The following EPHB1 variants were observed in gnomAD, a reference collection of about 807,000 sequenced individuals.
The protein encoded by EPHB1 is ephrin type-B receptor 1.
Under a neutral mutation model 94.4 loss-of-function variants are expected in EPHB1, and 30 were observed. The observed-to-expected ratio is 0.32, with a 90% CI of 0.24 to 0.43. The LOEUF is 0.43. Among genes scored for constraint, EPHB1 ranks in the 20% least tolerant of loss-of-function variants. The pLI is 1.00. For synonymous variants in EPHB1, 522 were observed against 489.1 expected, an observed-to-expected ratio of 1.07 and a Z score of -0.89; for missense variants, 1,055 against 1,308.3, an observed-to-expected ratio of 0.81 and a Z score of 2.99.
rs529244306 is a variant in EPHB1, at chr3:134,872,152, A to G, written c.59-53664A>G. On this transcript the variant is annotated intron_variant, in intron 1 of 15. Coordinates refer to ENST00000398015, the MANE Select transcript of EPHB1 (RefSeq NM_004441.5). ...TCTGAGCCTCACCTGATGTCTGAGA[A>G]TAAGGGACAACCTCTCACAACAAAT... 3.3e-5 allele frequency among the ~76,000 whole-genome samples: 5 copies of G among 152,290 alleles called. No homozygotes were observed. The East Asian group carries it at 9.7e-4, about 29-fold the overall frequency.
chr3:135,239,590 A>AG (rs544377538), intron 12 of EPHB1, among the ~76,000 whole-genome samples: 29 of 152,268 alleles, frequency 1.9e-4, no homozygotes, highest in Admixed American at 6.5e-4. Flanking sequence ...AAAACTGAAA[A>AG]GGGGGGTCAT....
intron 3 of EPHB1, among the ~76,000 whole-genome samples, chr3:135,007,426 G>T (rs1935460375): frequency 6.6e-6 from 1 of 152,138 alleles, no homozygotes; most frequent in African/African-American, 2.4e-5. Context: ...CAAAAATAAA[G>T]CCCGAAATAA....
chr3:134,952,201 C>A (rs1933060998), intron 3 of EPHB1, 149 bp downstream of exon 3: 3 of 812,114 alleles, frequency 3.7e-6, no homozygotes, highest in South Asian at 2.0e-5. Context: ...TAGTGCTAGG[C>A]CTGATGATTT....
At chr3:135,155,827 C>T (rs1941336531) in intron 6 of EPHB1, among the ~76,000 whole-genome samples, 1 of 147,962 alleles carries the variant, frequency 6.8e-6, no homozygotes, top group South Asian at 2.2e-4. Flanking sequence ...AGCTTTTCCA[C>T]TGAGTGAGAT....
intron 7 of EPHB1, among the ~76,000 whole-genome samples, chr3:135,165,662 C>T (rs1330699002): frequency 1.3e-5 from 2 of 152,180 alleles, no homozygotes; most frequent in African/African-American, 4.8e-5. Flanking sequence ...GCTGACAGTT[C>T]TTCGAGAGAC....
At chr3:135,197,448 G>C (rs1942653644) in intron 11 of EPHB1, among the ~76,000 whole-genome samples, 1 of 152,188 alleles carries the variant, frequency 6.6e-6, no homozygotes, top group South Asian at 2.1e-4. Context: ...CTGTGGCCTG[G>C]AGCAAACCTG....
intron 12 of EPHB1, among the ~76,000 whole-genome samples, chr3:135,238,161 G>A (rs1195708294): frequency 1.3e-5 from 2 of 152,206 alleles, no homozygotes; most frequent in Non-Finnish European, 2.9e-5. Flanking sequence ...AAGATGGAAG[G>A]AAGGTTTAAA....
At chr3:135,121,819 A>G (rs538948838) in intron 4 of EPHB1, among the ~76,000 whole-genome samples, 1 of 149,446 alleles carries the variant, frequency 6.7e-6, no homozygotes, top group Non-Finnish European at 1.5e-5. Context: ...TTTTTTTTTT[A>G]ATTGTACAGG....
At chr3:135,183,870 C>G (rs1576453182) in intron 10 of EPHB1, among the ~76,000 whole-genome samples, 1 of 152,236 alleles carries the variant, frequency 6.6e-6, no homozygotes, top group South Asian at 2.1e-4. Context: ...GAATTTTATC[C>G]CATAGAAAAT....
In EPHB1 at chr3:135,126,660, A is replaced by G. The variant is rs1013818473; in HGVS notation, c.962-6054A>G. Reference sequence around the variant, plus strand: ...TGCAGATTGGGGCAGGCAGACTCCAAGGTGTTTCTGTGACAGGTACCAGAG... The same window carrying G: ...TGCAGATTGGGGCAGGCAGACTCCAGGGTGTTTCTGTGACAGGTACCAGAG... On this transcript the variant is annotated intron_variant, in intron 4 of 15. Transcript: ENST00000398015. 3.9e-5 allele frequency among the ~76,000 whole-genome samples: 6 copies of G among 152,180 alleles called. No homozygotes were observed. In the East Asian group the frequency reaches 1.2e-3, roughly 29 times the overall value.
intron 1 of EPHB1, among the ~76,000 whole-genome samples, chr3:134,874,048 A>T (rs1455525443): frequency 6.6e-6 from 1 of 152,174 alleles, no homozygotes; most frequent in African/African-American, 2.4e-5. Flanking sequence ...ACATCAGCAG[A>T]GCTGGACAGA....
chr3:135,033,257 A>C (rs4955538), intron 3 of EPHB1, among the ~76,000 whole-genome samples: 38,704 of 152,066 alleles, frequency 0.25, 6,414 homozygotes, highest in East Asian at 0.71. Context: ...GCTTAAAGAC[A>C]GAGAGACAGT....
At chr3:135,040,774 T>G (rs977189045) in intron 3 of EPHB1, among the ~76,000 whole-genome samples, 2 of 152,210 alleles carry the variant, frequency 1.3e-5, no homozygotes, top group African/African-American at 4.8e-5. Flanking sequence ...AAGAGAAAGC[T>G]CTTTCTAAAC....
chr3:135,225,746 C>G (rs1211055690), intron 12 of EPHB1, among the ~76,000 whole-genome samples: 1 of 151,786 alleles, frequency 6.6e-6, no homozygotes, highest in Non-Finnish European at 1.5e-5. Flanking sequence ...GGTCCAGTCC[C>G]AGGTTGGAGG....
At chr3:135,198,302 A>G (rs774159654) in intron 11 of EPHB1, among the ~76,000 whole-genome samples, 1 of 152,108 alleles carries the variant, frequency 6.6e-6, no homozygotes, top group Non-Finnish European at 1.5e-5. Context: ...GATCACATAC[A>G]TTTTCTGGAC....
chr3:135,029,257 C>T (rs561381773), intron 3 of EPHB1, among the ~76,000 whole-genome samples: 1 of 149,750 alleles, frequency 6.7e-6, no homozygotes, highest in African/African-American at 2.4e-5. Flanking sequence ...TGAATTTGAT[C>T]CTGTCATTAT....
rs574784671 is a variant in EPHB1 at position 134,956,760 on chromosome 3, C to G, written c.805+4708C>G. ...AGAATATTTTCTAAGCCATGCCATG[C>G]TACATATTGCTAGGTGTCATTGTCC... is the stretch of plus-strand genomic sequence containing the variant. On this transcript the variant is annotated intron_variant, in intron 3 of 15. Coordinates refer to ENST00000398015, the MANE Select transcript of EPHB1 (RefSeq NM_004441.5). Among the ~76,000 whole-genome samples, 12 of 152,256 alleles carry G rather than the reference C, an allele frequency of 7.9e-5. No homozygotes were observed. In the South Asian group the frequency reaches 2.5e-3, roughly 32 times the overall value.
chr3:134,948,395 A>G (rs2039255460), intron 2 of EPHB1, among the ~76,000 whole-genome samples: 1 of 152,126 alleles, frequency 6.6e-6, no homozygotes, highest in Non-Finnish European at 1.5e-5. Context: ...CTGTTTTATA[A>G]CAGCCATGGA....
intron 3 of EPHB1, among the ~76,000 whole-genome samples, chr3:135,041,455 A>G (rs1936840102): frequency 6.6e-6 from 1 of 152,078 alleles, no homozygotes; most frequent in Non-Finnish European, 1.5e-5. Flanking sequence ...TATTCCAACT[A>G]CACTTGTGCA....
Sources: allele counts gnomAD v4.1 joint callset (sites outside exome capture counted in the v4.1 genomes callset), GRCh38; gene constraint gnomAD v4.1.1; transcripts MANE v1.5; gene names NCBI Gene and HGNC (gene_info 2026-07-23, HGNC 2026-07-21).